The following RIOK2 variants were observed in gnomAD, a reference collection of about 807,000 sequenced individuals.
RIOK2 encodes RIO kinase 2.
Under a neutral mutation model 62.4 loss-of-function variants are expected in RIOK2, and 46 were observed. The ratio of observed to expected loss-of-function variants is 0.74; its 90% CI spans 0.58 to 0.94. RIOK2 has a LOEUF of 0.94. RIOK2 is among the 40% of genes least tolerant of loss of function. The probability of loss-of-function intolerance (pLI) is 0.00; values close to 1 mark genes in which losing one functional copy is unlikely to be tolerated. For missense variants in RIOK2, 574 were observed against 658.0 expected, an observed-to-expected ratio of 0.87 and a Z score of 1.40; for synonymous variants, 197 against 216.0, an observed-to-expected ratio of 0.91 and a Z score of 0.77.
At position 97,163,077 on chromosome 5, in the gene RIOK2, C is replaced by T. The variant is rs147011890; in HGVS notation, c.1643G>A (p.Ser548Asn). 6.2e-6 allele frequency: 10 copies of T among 1,612,026 alleles called. No homozygotes were observed. The highest frequency in any genetic ancestry group is 3.3e-5 in the Admixed American group (2 of 59,966). Residue 548 changes from serine to asparagine, a missense_variant, in exon 10 of 10, where the codon AGC becomes AAC. Physicochemically the swap from Ser to Asn is conservative, Grantham distance 46. Transcript: ENST00000283109. ...CTAAATATATTATTCTCCCCAAAAG[C>T]TGGCTGCTTCCAAACTTGATTTGAT... Reference protein sequence around the residue: ...QNIKSSLEAASFWGE With the variant: ...QNIKSSLEAANFWGE
rs1749304784 is a variant in RIOK2, at chr5:97,179,993, A to ATATATATAT, written c.67-809_67-801dup. Among the ~76,000 whole-genome samples the ATATATATAT allele has an allele frequency of 5.0e-4, 24 of 48,152 alleles. 1 individual carries two copies. The highest frequency in any genetic ancestry group is 1.4e-3 in the African/African-American group (14 of 9,968). 31.6% of individuals were successfully genotyped at this position (48,152 alleles called of 152,430 possible). On this transcript the variant is annotated intron_variant, in intron 1 of 9. Coordinates refer to ENST00000283109, the MANE Select transcript of RIOK2 (RefSeq NM_018343.3). Reference sequence around the variant, plus strand: ...TATATATATAATATATATATATAAAATATATATATATTATATATATATAAT... The same window carrying ATATATATAT: ...TATATATATAATATATATATATAAAATATATATATTATATATATATTATATATATATAAT...
intron 1 of RIOK2, among the ~76,000 whole-genome samples, chr5:97,180,142 G>GTATATATGTATA (rs1554083620): frequency 1.2e-4 from 12 of 96,072 alleles, no homozygotes; most frequent in African/African-American, 4.5e-4. Context: ...ATATATATAT[G>GTATATATGTATA]TATATATATA....
intron 8 of RIOK2, among the ~76,000 whole-genome samples, chr5:97,165,654 C>A (rs1035100754): frequency 6.6e-6 from 1 of 152,140 alleles, no homozygotes; most frequent in African/African-American, 2.4e-5. Context: ...AAAACTCGGA[C>A]GATATTAACT....
chr5:97,169,003 G>A (rs1307128815), intron 6 of RIOK2, 151 bp from the exon 7 acceptor site: 7 of 493,148 alleles, frequency 1.4e-5, no homozygotes, highest in Non-Finnish European at 1.1e-5. Flanking sequence ...ATACAAATGA[G>A]TTAACCAGTG....
intron 8 of RIOK2, among the ~76,000 whole-genome samples, chr5:97,165,348 A>T (rs1195077899): frequency 6.6e-6 from 1 of 152,230 alleles, no homozygotes; most frequent in African/African-American, 2.4e-5. Flanking sequence ...ATTTTCCAGC[A>T]TTTTGTTAGT....
At chr5:97,166,655 TAAAAG>T (rs1329001288) in intron 8 of RIOK2, 1 of 613,370 alleles carries the variant, frequency 1.6e-6, no homozygotes, top group African/African-American at 2.0e-5. Context: ...AAAAAATTAT[TAAAAG>T]AAAACATAAT....
At chr5:97,178,736 G>GTGCTCTTCTGCAGTACCTACA in intron 2 of RIOK2, 1 of 326,886 alleles carries the variant, frequency 3.1e-6, no homozygotes. Flanking sequence ...CAGTACCTAC[G>GTGCTCTTCTGCAGTACCTACA]TGCTCTTCTG....
At chr5:97,180,904 A>C in intron 1 of RIOK2, among the ~76,000 whole-genome samples, 1 of 151,746 alleles carries the variant, frequency 6.6e-6, no homozygotes, top group Non-Finnish European at 1.5e-5. Context: ...TTTTTTATAG[A>C]GCTTGGGAAA....
chr5:97,183,108 G>C lies in RIOK2; in HGVS notation c.66+18C>G. ...CAGTGTTAAGGGGAAGGGAGAACAG[G>C]AACGGCGGGTTTCTTACCGCGGTCA... is the stretch of plus-strand genomic sequence containing the variant. On this transcript the variant is annotated intron_variant, in intron 1 of 9. Coordinates refer to ENST00000283109, the MANE Select transcript of RIOK2 (RefSeq NM_018343.3). 6.2e-7 allele frequency: 1 copy of C among 1,613,914 alleles called. No individual in the cohort carries two copies.
intron 4 of RIOK2, 144 bp from the exon 5 acceptor site, chr5:97,173,407 T>G (rs1749071295): frequency 1.6e-6 from 1 of 642,824 alleles, no homozygotes; most frequent in Non-Finnish European, 2.7e-6. Context: ...TATTTATGCA[T>G]AGCTTATTTA....
intron 6 of RIOK2, among the ~76,000 whole-genome samples, chr5:97,169,597 A>G (rs1290648341): frequency 1.3e-5 from 2 of 152,232 alleles, no homozygotes; most frequent in Non-Finnish European, 2.9e-5. Context: ...AAATAGGAAG[A>G]TAATGCCTCT....
intron 1 of RIOK2, chr5:97,182,778 C>G (rs1340631328): frequency 2.5e-4 from 28 of 113,892 alleles, no homozygotes; most frequent in South Asian, 4.4e-4. Context: ...TATCAAATCT[C>G]GGGGGGGGGG....
intron 9 of RIOK2, 80 bp downstream of exon 9, chr5:97,164,971 A>G: frequency 1.1e-6 from 1 of 872,814 alleles, no homozygotes; most frequent in Non-Finnish European, 1.8e-6. Context: ...AAAGGCATAC[A>G]TTATTGTTTA....
Position 97,179,039 on chromosome 5 carries a change from GC to G in RIOK2, c.205+15del. 4.3e-6 allele frequency: 7 copies of G among 1,613,506 alleles called. No individual in the cohort carries two copies. The highest frequency in any genetic ancestry group is 5.9e-6 in the Non-Finnish European group (7 of 1,179,740). ...AATTACCTGAAAAATCACAAATGGT[GC>G]CTCAAAATACTTACTTTTGGTACGC... On this transcript the variant is annotated intron_variant, in intron 2 of 9. Transcript: ENST00000283109.
chr5:97,171,635 G>C (rs1749011961), intron 5 of RIOK2, among the ~76,000 whole-genome samples: 1 of 151,954 alleles, frequency 6.6e-6, no homozygotes, highest in Non-Finnish European at 1.5e-5. Context: ...AGCCAAACTT[G>C]TCTACATGTG....
At chr5:97,164,972 T>C (rs1275497090) in intron 9 of RIOK2, 79 bp downstream of exon 9, 1 of 893,264 alleles carries the variant, frequency 1.1e-6, no homozygotes, top group Non-Finnish European at 1.7e-6. Context: ...AAGGCATACA[T>C]TATTGTTTAA....
At chr5:97,175,093 G>A (rs142178279) in intron 4 of RIOK2, among the ~76,000 whole-genome samples, 1,778 of 144,242 alleles carry the variant, frequency 0.012, 11 homozygotes, top group Middle Eastern at 0.035. Context: ...TAAATAAAAG[G>A]TTCTGTTTCA....
At chr5:97,180,890 T>A (rs2544774) in intron 1 of RIOK2, among the ~76,000 whole-genome samples, 72,169 of 151,774 alleles carry the variant, frequency 0.48, 18,707 homozygotes, top group East Asian at 0.6. Flanking sequence ...TTTTATTATT[T>A]TTTTTTTTTA....
intron 5 of RIOK2, among the ~76,000 whole-genome samples, chr5:97,172,880 C>A (rs370738496): frequency 9.2e-5 from 14 of 152,120 alleles, no homozygotes; most frequent in African/African-American, 2.9e-4. Flanking sequence ...CATCTCCTTC[C>A]ATCAGAATGT....
Sources: gnomAD v4.1 joint callset for allele counts (sites outside exome capture counted in the v4.1 genomes callset) on GRCh38, gnomAD v4.1.1 for gene constraint, MANE v1.5 for transcripts, NCBI Gene and HGNC (gene_info 2026-07-23, HGNC 2026-07-21) for gene names.